MGAT5: variants seen among roughly 807,000 people sequenced by gnomAD.
The protein encoded by MGAT5 is alpha-1,6-mannosylglycoprotein 6-beta-N-acetylglucosaminyltransferase.
A neutral mutation model predicts 94.3 loss-of-function variants in MGAT5; 30 were observed. The ratio of observed to expected loss-of-function variants is 0.32; its 90% CI spans 0.24 to 0.43. MGAT5 has a LOEUF of 0.43. Ranked by LOEUF, MGAT5 falls within the 20% of genes least tolerant of loss-of-function variation. MGAT5 has a pLI of 1.00. For missense variants in MGAT5, 691 were observed against 905.5 expected (o/e 0.76, Z 3.04); for synonymous variants, 310 against 322.9 (o/e 0.96, Z 0.43).
intron 1 of MGAT5, among the ~76,000 whole-genome samples, chr2:134,223,173 A>G (rs887267729): frequency 1.2e-4 from 19 of 152,174 alleles, no homozygotes; most frequent in African/African-American, 4.3e-4. Flanking sequence ...TTAGAAGGCA[A>G]CTGAACTTGT....
At chr2:134,321,683 T>C (rs1423644058) in intron 4 of MGAT5, among the ~76,000 whole-genome samples, 1 of 150,930 alleles carries the variant, frequency 6.6e-6, no homozygotes, top group African/African-American at 2.4e-5. Context: ...TACCACTCTC[T>C]TCTTATGCAG....
chr2:134,247,359 T>TAAA lies in MGAT5; in HGVS notation c.-142-6890_-142-6888dup, dbSNP rs34029606. 6.4e-3 allele frequency among the ~76,000 whole-genome samples: 587 copies of TAAA among 91,364 alleles called. 27 individuals carry two copies. The highest frequency in any genetic ancestry group is 0.015 in the South Asian group (36 of 2,364). 59.9% of individuals were successfully genotyped at this position (91,364 alleles called of 152,430 possible). ...TGTGAATAGATACCTGGGCCTGAAT[T>TAAA]AAAAAAAAAAAAAAACAAAAAAAAA... On this transcript the variant is annotated intron_variant, in intron 1 of 16. Transcript: ENST00000409645.
At chr2:134,392,241 G>A (rs564411292) in intron 10 of MGAT5, among the ~76,000 whole-genome samples, 6 of 152,230 alleles carry the variant, frequency 3.9e-5, no homozygotes, top group Non-Finnish European at 7.4e-5. Context: ...ATGTTTATTT[G>A]CAGCATTTTA....
intron 1 of MGAT5, among the ~76,000 whole-genome samples, chr2:134,194,968 G>T (rs1238580059): frequency 6.6e-6 from 1 of 152,166 alleles, no homozygotes; most frequent in Non-Finnish European, 1.5e-5. Flanking sequence ...TTTCTCTGTA[G>T]TCTGAGTGGA....
At chr2:134,136,522 G>A (rs900502278) in intron 1 of MGAT5, among the ~76,000 whole-genome samples, 1 of 152,130 alleles carries the variant, frequency 6.6e-6, no homozygotes, top group Non-Finnish European at 1.5e-5. Flanking sequence ...AGCTGAGATT[G>A]CACCACTGCA....
At chr2:134,361,278 G>T (rs1291890147) in intron 9 of MGAT5, among the ~76,000 whole-genome samples, 1 of 152,154 alleles carries the variant, frequency 6.6e-6, no homozygotes, top group Non-Finnish European at 1.5e-5. Flanking sequence ...GGAGGAATTT[G>T]GTTTCATGTT....
intron 1 of MGAT5, among the ~76,000 whole-genome samples, chr2:134,135,643 G>A (rs1686369345): frequency 7.4e-6 from 1 of 134,782 alleles, no homozygotes; most frequent in South Asian, 2.4e-4. Context: ...AGTGAGCCGA[G>A]ATCGCGCCAC....
chr2:134,270,642 C>A, intron 2 of MGAT5, 92 bp downstream of exon 2: 1 of 1,271,446 alleles, frequency 7.9e-7, no homozygotes, highest in Non-Finnish European at 1.1e-6. Context: ...TTACTGGAAC[C>A]TGCATAATAT....
intron 1 of MGAT5, among the ~76,000 whole-genome samples, chr2:134,182,527 C>T (rs1237540241): frequency 6.6e-6 from 1 of 152,146 alleles, no homozygotes; most frequent in African/African-American, 2.4e-5. Flanking sequence ...TACATTTACA[C>T]AAAGAACAGT....
intron 1 of MGAT5, among the ~76,000 whole-genome samples, chr2:134,178,198 A>G (rs1280150072): frequency 2.6e-5 from 4 of 152,334 alleles, no homozygotes; most frequent in African/African-American, 9.6e-5. Flanking sequence ...ACTTCTAAAA[A>G]TTGCTTCTAG....
In MGAT5 at chr2:134,301,715, C is replaced by T. The variant is rs531663506; in HGVS notation, c.407-15814C>T. On this transcript the variant is annotated intron_variant, in intron 2 of 15. Coordinates refer to ENST00000281923, the MANE Select transcript of MGAT5 (RefSeq NM_002410.5). Reference sequence around the variant, plus strand: ...TGTCTGATGATGGAGTTGGCATCCACAGGGCAGGCAGCTAGGAAGGGAAGA... The same window carrying T: ...TGTCTGATGATGGAGTTGGCATCCATAGGGCAGGCAGCTAGGAAGGGAAGA... Among the ~76,000 whole-genome samples the T allele has an allele frequency of 3.7e-4, 57 of 152,236 alleles. 1 individual carries two copies. Among genetic ancestry groups the T allele is most frequent in the Admixed American group, 2.4e-3 (36 of 15,292 alleles).
chr2:134,238,041 G>A (rs557574735), intron 1 of MGAT5, among the ~76,000 whole-genome samples: 44 of 152,104 alleles, frequency 2.9e-4, no homozygotes, highest in African/African-American at 6.3e-4. Flanking sequence ...GAGCCACTGC[G>A]CCCGGCCTCC....
At chr2:134,430,980 G>A (rs540973365) in intron 14 of MGAT5, among the ~76,000 whole-genome samples, 1 of 152,192 alleles carries the variant, frequency 6.6e-6, no homozygotes, top group African/African-American at 2.4e-5. Flanking sequence ...GAGGGAGGAC[G>A]GGGGAGAAAT....
intron 13 of MGAT5, among the ~76,000 whole-genome samples, chr2:134,423,679 G>A (rs2106363934): frequency 6.6e-6 from 1 of 152,328 alleles, no homozygotes; most frequent in Non-Finnish European, 1.5e-5. Context: ...CAGGCTGGAC[G>A]CACACAGTGT....
At chr2:134,251,588 T>G (rs575146694), upstream of MGAT5, among the ~76,000 whole-genome samples, 1 of 152,324 alleles carries the variant, frequency 6.6e-6, no homozygotes, top group East Asian at 1.9e-4. Context: ...GACAGGTGTT[T>G]TTAACTCATA....
At chr2:134,165,003 T>C (rs1687907279) in intron 1 of MGAT5, among the ~76,000 whole-genome samples, 1 of 152,242 alleles carries the variant, frequency 6.6e-6, no homozygotes, top group Non-Finnish European at 1.5e-5. Context: ...GAAAAGATGC[T>C]GCCCTGAGAT....
intron 10 of MGAT5, among the ~76,000 whole-genome samples, chr2:134,363,829 A>G (rs1421606243): frequency 2.0e-5 from 3 of 152,210 alleles, no homozygotes; most frequent in African/African-American, 7.2e-5. Flanking sequence ...TCCTTGTATA[A>G]AAATGTGTCC....
At chr2:134,384,631 C>A (rs1681857021) in intron 10 of MGAT5, among the ~76,000 whole-genome samples, 1 of 152,142 alleles carries the variant, frequency 6.6e-6, no homozygotes, top group African/African-American at 2.4e-5. Flanking sequence ...GTACACTTAC[C>A]TTTCGGAAGT....
At chr2:134,191,510 GCCT>G (rs113436456) in intron 1 of MGAT5, among the ~76,000 whole-genome samples, 10,566 of 139,026 alleles carry the variant, frequency 0.076, 692 homozygotes, top group East Asian at 0.26. Flanking sequence ...GCCGTCTTTC[GCCT>G]CCTCCTCCTC....
Sources: allele counts gnomAD v4.1 joint callset (sites outside exome capture counted in the v4.1 genomes callset), GRCh38; gene constraint gnomAD v4.1.1; transcripts MANE v1.5; gene names NCBI Gene and HGNC (gene_info 2026-07-23, HGNC 2026-07-21).